The following SOX6 variants were observed in gnomAD, a reference collection of about 807,000 sequenced individuals.
SOX6 encodes the protein SRY-box transcription factor 6.
In SOX6, 11 loss-of-function variants were observed where a neutral mutation model predicts 97.8. The observed-to-expected ratio is 0.11, with a 90% CI of 0.07 to 0.19. SOX6 has a LOEUF of 0.19. SOX6 is among the 10% of genes least tolerant of loss of function. SOX6 has a pLI of 1.00. For missense variants in SOX6, 810 were observed against 1,039.5 expected (o/e 0.78, Z 3.04); for synonymous variants, 360 against 371.4 (o/e 0.97, Z 0.35).
At chr11:16,038,649 T>G (rs1041862164) in intron 12 of SOX6, among the ~76,000 whole-genome samples, 1 of 152,150 alleles carries the variant, frequency 6.6e-6, no homozygotes, top group African/African-American at 2.4e-5. Flanking sequence ...AAGCCAGTAT[T>G]GAGCCCTGGT....
chr11:16,022,808 C>T (rs905322338), intron 12 of SOX6, among the ~76,000 whole-genome samples: 17 of 152,270 alleles, frequency 1.1e-4, no homozygotes, highest in Admixed American at 1.1e-3. Flanking sequence ...TTATTCACTA[C>T]TTTTAAGCAC....
chr11:16,669,991 C>G (rs1847835753), intron 3 of SOX6, among the ~76,000 whole-genome samples: 1 of 152,130 alleles, frequency 6.6e-6, no homozygotes, highest in Non-Finnish European at 1.5e-5. Context: ...TGCTGGCATC[C>G]CCAGCATACC....
At chr11:16,131,882 A>G (rs1449666604) in intron 6 of SOX6, among the ~76,000 whole-genome samples, 1 of 152,058 alleles carries the variant, frequency 6.6e-6, no homozygotes, top group African/African-American at 2.4e-5. Context: ...AAATATAGTG[A>G]TATCAATGAA....
intron 4 of SOX6, among the ~76,000 whole-genome samples, chr11:16,601,984 T>G (rs1170403546): frequency 6.6e-6 from 1 of 152,198 alleles, no homozygotes; most frequent in Non-Finnish European, 1.5e-5. Flanking sequence ...ACAATATAAT[T>G]TTCCTACTTA....
intron 12 of SOX6, among the ~76,000 whole-genome samples, chr11:16,015,778 T>C (rs1479138527): frequency 2.0e-5 from 3 of 152,004 alleles, no homozygotes; most frequent in African/African-American, 7.2e-5. Flanking sequence ...AGGGGCTCAT[T>C]GACCATCATT....
chr11:16,488,179 T>C (rs1860464920), intron 4 of SOX6, among the ~76,000 whole-genome samples: 1 of 152,176 alleles, frequency 6.6e-6, no homozygotes, highest in Non-Finnish European at 1.5e-5. Context: ...ACTCATCACT[T>C]ACTGGATGTT....
chr11:16,059,752 T>C (rs76433753), intron 9 of SOX6, among the ~76,000 whole-genome samples: 1,627 of 152,094 alleles, frequency 0.011, 35 homozygotes, highest in African/African-American at 0.037. Flanking sequence ...TTGCTAGCAC[T>C]TAGGCAAAAT....
At chr11:16,242,985 G>A (rs1016387929) in intron 3 of SOX6, among the ~76,000 whole-genome samples, 1 of 151,714 alleles carries the variant, frequency 6.6e-6, no homozygotes, top group African/African-American at 2.4e-5. Context: ...GTACATACCT[G>A]TGCTTTTTCA....
chr11:16,505,732 G>A (rs1244528528), intron 4 of SOX6, among the ~76,000 whole-genome samples: 5 of 152,192 alleles, frequency 3.3e-5, no homozygotes, highest in South Asian at 2.1e-4. Flanking sequence ...TCAGGGCCCC[G>A]ACTGCTCTAT....
chr11:16,234,319 AC>A (rs1852950310), intron 4 of SOX6, among the ~76,000 whole-genome samples: 1 of 152,162 alleles, frequency 6.6e-6, no homozygotes, highest in Non-Finnish European at 1.5e-5. Flanking sequence ...AGGTTTTTAT[AC>A]TTTTTTGTGA....
chr11:16,646,899 C>T (rs1187495183), intron 3 of SOX6, among the ~76,000 whole-genome samples: 1 of 152,144 alleles, frequency 6.6e-6, no homozygotes, highest in African/African-American at 2.4e-5. Flanking sequence ...TGGGCAGATA[C>T]CCAGTAGTGG....
chr11:16,079,483 A>G (rs1848427439), intron 9 of SOX6, among the ~76,000 whole-genome samples: 1 of 152,168 alleles, frequency 6.6e-6, no homozygotes, highest in Non-Finnish European at 1.5e-5. Flanking sequence ...ATTTCTCAGC[A>G]GACTTTGAAA....
At chr11:16,375,380 T>G (rs1590169070) in intron 1 of SOX6, among the ~76,000 whole-genome samples, 1 of 152,092 alleles carries the variant, frequency 6.6e-6, no homozygotes, top group East Asian at 1.9e-4. Flanking sequence ...TTAAACAATT[T>G]GTTCAAGTTC....
chr11:16,393,185 T>G (rs1858236779), intron 1 of SOX6, among the ~76,000 whole-genome samples: 1 of 152,096 alleles, frequency 6.6e-6, no homozygotes, highest in African/African-American at 2.4e-5. Context: ...GGACACCTAC[T>G]GAATTCTCCT....
chr11:16,265,349 A>G (rs762541515), intron 3 of SOX6, among the ~76,000 whole-genome samples: 1 of 151,862 alleles, frequency 6.6e-6, no homozygotes, highest in Non-Finnish European at 1.5e-5. Context: ...AAAATTCAGA[A>G]GGGCTTTTAG....
chr11:16,592,301 T>C (rs1565188516), intron 4 of SOX6, among the ~76,000 whole-genome samples: 1 of 148,670 alleles, frequency 6.7e-6, no homozygotes, highest in South Asian at 2.2e-4. Flanking sequence ...ATTTAGGCTA[T>C]CTAGAATGCC....
intron 4 of SOX6, among the ~76,000 whole-genome samples, chr11:16,515,922 C>A (rs902667331): frequency 4.1e-5 from 6 of 146,668 alleles, no homozygotes; most frequent in Non-Finnish European, 7.6e-5. Flanking sequence ...TGTTTTGGTA[C>A]CAGTACCATG....
At chr11:16,681,645 C>A (rs1847928825) in intron 3 of SOX6, among the ~76,000 whole-genome samples, 1 of 152,040 alleles carries the variant, frequency 6.6e-6, no homozygotes, top group African/African-American at 2.4e-5. Context: ...CACAAAAAAA[C>A]CTTTCAAAAA....
At chr11:16,427,463 A>G (rs1859168454) in intron 1 of SOX6, among the ~76,000 whole-genome samples, 1 of 151,816 alleles carries the variant, frequency 6.6e-6, no homozygotes, top group East Asian at 1.9e-4. Flanking sequence ...TATATCTCCT[A>G]ATGCTATCCC....
Sources: allele counts gnomAD v4.1 joint callset (sites outside exome capture counted in the v4.1 genomes callset), GRCh38; gene constraint gnomAD v4.1.1; transcripts MANE v1.5; gene names NCBI Gene and HGNC (gene_info 2026-07-23, HGNC 2026-07-21).